Variants in KLHL4 observed in about 807,000 individuals in gnomAD.
KLHL4 encodes the protein kelch-like protein 4.
A neutral mutation model predicts 45.8 loss-of-function variants in KLHL4; 17 were observed. That is an observed-to-expected ratio of 0.37 (90% CI 0.25 to 0.56). The LOEUF (loss-of-function observed/expected upper bound fraction) is 0.56. Ranked by LOEUF, KLHL4 falls within the 20% of genes least tolerant of loss-of-function variation. KLHL4 has a pLI of 0.79. For synonymous variants in KLHL4, 224 were observed against 189.9 expected (o/e 1.18, Z -1.47); for missense variants, 544 against 544.9 (o/e 1.00, Z 0.02).
chrX:87,664,400 G>A (rs1437104364), intron 9 of KLHL4, among the ~76,000 whole-genome samples: 2 of 111,541 alleles, frequency 1.8e-5, no homozygotes, highest in African/African-American at 6.5e-5. Context: ...GTATAACTTC[G>A]ACAAATAAAT....
chrX:87,538,891 T>C (rs1011243843), intron 1 of KLHL4, among the ~76,000 whole-genome samples: 25 of 111,567 alleles, frequency 2.2e-4, no homozygotes, highest in African/African-American at 7.8e-4. Context: ...TTGCTGGACA[T>C]TGTTGTTGAA....
chrX:87,534,653 T>G (rs746410913), intron 1 of KLHL4, among the ~76,000 whole-genome samples: 1 of 110,774 alleles, frequency 9.0e-6, no homozygotes, highest in African/African-American at 3.3e-5. Flanking sequence ...CATAATAAAG[T>G]TGGAATAAAA....
chrX:87,526,884 A>G (rs2147762665), intron 1 of KLHL4, among the ~76,000 whole-genome samples: 1 of 111,762 alleles, frequency 8.9e-6, no homozygotes, highest in Non-Finnish European at 1.9e-5. Flanking sequence ...TTAATCCTCA[A>G]GAAATCTCTA....
rs768874004 is a variant in KLHL4, at chrX:87,669,250, C to T, written c.*2716C>T. On this transcript the variant is annotated 3_prime_UTR_variant, in exon 11 of 11. Transcript: ENST00000373119. ...TCTATAATCACTATGACCGTGTTCA[C>T]GATTCCCTACTCTGCAACTCTCAGC... 15 of 1,171,157 alleles carry T rather than the reference C, an allele frequency of 1.3e-5. No individual in the cohort carries two copies. The highest frequency in any genetic ancestry group is 2.4e-4 in the Middle Eastern group (1 of 4,101).
At chrX:87,526,302 T>C (rs1186861509) in intron 1 of KLHL4, among the ~76,000 whole-genome samples, 1 of 112,275 alleles carries the variant, frequency 8.9e-6, no homozygotes, top group Non-Finnish European at 1.9e-5. Flanking sequence ...TATTAATGTT[T>C]CCTCCATTCA....
chrX:87,573,565 A>T (rs997166035), intron 1 of KLHL4, among the ~76,000 whole-genome samples: 1 of 111,430 alleles, frequency 9.0e-6, no homozygotes, highest in Admixed American at 9.6e-5. Flanking sequence ...TATATGAAGT[A>T]TTAGTATTAT....
intron 4 of KLHL4, among the ~76,000 whole-genome samples, chrX:87,621,250 G>A (rs1922739462): frequency 9.0e-6 from 1 of 110,668 alleles, no homozygotes; most frequent in Non-Finnish European, 1.9e-5. Flanking sequence ...TTGCCAAGTA[G>A]GTATGTTTAT....
At chrX:87,628,431 A>G (rs1328653817) in intron 6 of KLHL4, among the ~76,000 whole-genome samples, 1 of 112,325 alleles carries the variant, frequency 8.9e-6, no homozygotes, top group African/African-American at 3.2e-5. Context: ...CCTAAGAAGT[A>G]TAACAAAAAC....
intron 3 of KLHL4, among the ~76,000 whole-genome samples, chrX:87,615,702 G>A (rs1922535764): frequency 9.0e-6 from 1 of 111,367 alleles, no homozygotes; most frequent in South Asian, 3.7e-4. Flanking sequence ...GTGAAAATAT[G>A]CCAGATAAAA....
At chrX:87,529,064 GA>G (rs78728711) in intron 1 of KLHL4, among the ~76,000 whole-genome samples, 28,510 of 101,788 alleles carry the variant, frequency 0.28, 3,216 homozygotes, top group East Asian at 0.54. Context: ...GTGATAAAAG[GA>G]AAAAAAAAAA....
intron 1 of KLHL4, among the ~76,000 whole-genome samples, chrX:87,581,031 G>T (rs1921259582): frequency 8.9e-6 from 1 of 112,177 alleles, no homozygotes; most frequent in Non-Finnish European, 1.9e-5. Flanking sequence ...CAGCCTGTGG[G>T]CTTTAAAGAG....
chrX:87,641,524 A>G (rs891227279), intron 9 of KLHL4, among the ~76,000 whole-genome samples: 2 of 111,644 alleles, frequency 1.8e-5, no homozygotes, highest in African/African-American at 6.5e-5. Flanking sequence ...CAATTTGAAC[A>G]TTGTGAGAAG....
intron 9 of KLHL4, among the ~76,000 whole-genome samples, chrX:87,657,386 C>T (rs1209475649): frequency 8.9e-6 from 1 of 111,875 alleles, no homozygotes; most frequent in Non-Finnish European, 1.9e-5. Context: ...CAAGCACTAA[C>T]CCTGACAGAG....
At chrX:87,577,835 T>A (rs1219366449) in intron 1 of KLHL4, among the ~76,000 whole-genome samples, 3 of 111,799 alleles carry the variant, frequency 2.7e-5, no homozygotes, top group Non-Finnish European at 5.7e-5. Flanking sequence ...CTTTATATTT[T>A]CTTCTTCCCT....
At chrX:87,530,733 G>A (rs770756747) in intron 1 of KLHL4, among the ~76,000 whole-genome samples, 169 of 101,524 alleles carry the variant, frequency 1.7e-3, no homozygotes, top group African/African-American at 6.1e-3. Context: ...ATAAACATAC[G>A]TGTGCATGTG....
At chrX:87,530,890 G>A (rs1333654076) in intron 1 of KLHL4, among the ~76,000 whole-genome samples, 1 of 110,221 alleles carries the variant, frequency 9.1e-6, no homozygotes, top group Non-Finnish European at 1.9e-5. Flanking sequence ...CCCACCAACA[G>A]TGTAAAAGTG....
In KLHL4 at chrX:87,590,729, A is replaced by G. The variant is rs191112575; in HGVS notation, c.423-23148A>G. ...ATTTCGATGAGGGTGCCAAGAATAC[A>G]TAATGAGAAAAAGATAGTTCCTGCA... On this transcript the variant is annotated intron_variant, in intron 1 of 10. Transcript: ENST00000373119. Among the ~76,000 whole-genome samples, 10 of 112,119 alleles carry G rather than the reference A, an allele frequency of 8.9e-5. 1 individual carries two copies. In the South Asian group the frequency reaches 1.1e-3, roughly 13 times the overall value.
intron 1 of KLHL4, among the ~76,000 whole-genome samples, chrX:87,586,377 CA>C (rs1921471714): frequency 9.0e-6 from 1 of 110,998 alleles, no homozygotes; most frequent in Non-Finnish European, 1.9e-5. Context: ...TGTTAGGTCA[CA>C]AAACAAGTTT....
chrX:87,639,508 T>C (rs191469739), intron 9 of KLHL4, among the ~76,000 whole-genome samples: 1 of 111,544 alleles, frequency 9.0e-6, no homozygotes, highest in African/African-American at 3.3e-5. Context: ...TTTTATCAAG[T>C]ACTCTGTCAG....
Sources: allele counts gnomAD v4.1 joint callset (sites outside exome capture counted in the v4.1 genomes callset), GRCh38; gene constraint gnomAD v4.1.1; transcripts MANE v1.5; gene names NCBI Gene and HGNC (gene_info 2026-07-23, HGNC 2026-07-21).